The following ADGRV1 variants were observed in gnomAD, a reference collection of about 807,000 sequenced individuals.
ADGRV1 encodes adhesion G protein-coupled receptor V1, also known as G-protein coupled receptor 98.
In ADGRV1, 359 loss-of-function variants were observed where a neutral mutation model predicts 596.2. The ratio of observed to expected loss-of-function variants is 0.60; its 90% CI spans 0.55 to 0.66. ADGRV1 has a LOEUF of 0.66. ADGRV1 is among the 30% of genes least tolerant of loss of function. ADGRV1 has a pLI of 0.00. For synonymous variants in ADGRV1, 2,681 were observed against 2,679.2 expected, an observed-to-expected ratio of 1.00 and a Z score of -0.02; for missense variants, 7,274 against 7,575.6, an observed-to-expected ratio of 0.96 and a Z score of 1.48.
In ADGRV1 at chr5:90,905,544, G is replaced by T. The variant is rs190192323; in HGVS notation, c.17856+41687G>T. 1.2e-3 allele frequency among the ~76,000 whole-genome samples: 182 copies of T among 151,940 alleles called. 1 individual carries two copies. Among genetic ancestry groups the T allele is most frequent in the African/African-American group, 4.1e-3 (170 of 41,460 alleles). ...TTCTTTTTCAAACTTGTAACTGTTG[G>T]CATAAACAAATGCTACTGATTTTTG... is the stretch of plus-strand genomic sequence containing the variant. On this transcript the variant is annotated intron_variant, in intron 83 of 89. Transcript: ENST00000405460.
chr5:91,097,923 GT>G (rs1234681381), intron 86 of ADGRV1, among the ~76,000 whole-genome samples: 1 of 152,054 alleles, frequency 6.6e-6, no homozygotes, highest in East Asian at 1.9e-4. Context: ...TGGGTATTTT[GT>G]TGTTAAGTTG....
chr5:90,755,368 G>C (rs957440947), intron 55 of ADGRV1, among the ~76,000 whole-genome samples, 183 bp downstream of exon 55: 1 of 151,918 alleles, frequency 6.6e-6, no homozygotes, highest in Non-Finnish European at 1.5e-5. Flanking sequence ...TTTATAACTG[G>C]CTGGCAAAAA....
chr5:91,079,364 A>C (rs1168402999), intron 86 of ADGRV1, among the ~76,000 whole-genome samples: 4 of 152,200 alleles, frequency 2.6e-5, no homozygotes, highest in African/African-American at 9.6e-5. Flanking sequence ...TGTTAAAAAC[A>C]CATACATATG....
chr5:90,570,018 T>C (rs1326454349), intron 1 of ADGRV1, among the ~76,000 whole-genome samples: 1 of 152,174 alleles, frequency 6.6e-6, no homozygotes, highest in Non-Finnish European at 1.5e-5. Context: ...TATTTATCTG[T>C]CATGTGACCT....
intron 52 of ADGRV1, among the ~76,000 whole-genome samples, chr5:90,746,465 T>C (rs1009928980): frequency 6.6e-6 from 1 of 152,196 alleles, no homozygotes; most frequent in Admixed American, 6.5e-5. Context: ...AGCTATCATG[T>C]ATCTTTCTCT....
intron 24 of ADGRV1, 116 bp from the exon 25 acceptor site, chr5:90,675,964 A>G (rs1773203984): frequency 5.7e-6 from 4 of 703,692 alleles, no homozygotes; most frequent in South Asian, 2.6e-5. Flanking sequence ...CTTAGCATTT[A>G]TAATAATTTG....
intron 48 of ADGRV1, among the ~76,000 whole-genome samples, chr5:90,726,810 T>C (rs1389752744): frequency 6.6e-6 from 1 of 152,198 alleles, no homozygotes; most frequent in African/African-American, 2.4e-5. Flanking sequence ...TTGGATACTT[T>C]TATCAATCCT....
chr5:90,777,845 T>C, intron 61 of ADGRV1, 60 bp from the exon 62 acceptor site: 1 of 1,421,232 alleles, frequency 7.0e-7, no homozygotes, highest in Non-Finnish European at 9.5e-7. Context: ...ACAGAGAAAA[T>C]GTTTAAGAAA....
At chr5:90,652,220 C>T (rs1435984798) in intron 18 of ADGRV1, 126 bp from the exon 19 acceptor site, 11 of 563,034 alleles carry the variant, frequency 2.0e-5, no homozygotes, top group Admixed American at 1.0e-4. Context: ...TAGTTTGCCT[C>T]GTAGAACCAG....
chr5:90,810,321 C>T lies in ADGRV1; in HGVS notation c.15061C>T (p.Gln5021Ter). ...AAATATCATAGTGTCAGAAGATACA[C>T]AGATGATCAGATTACATGTACAAAG... is the stretch of plus-strand genomic sequence containing the variant. ...SRNIIVSEDT[Q>*]MIRLHVQRLF... The change falls in exon 74 of 90, where the codon CAG becomes TAG. Residue 5021 changes from glutamine (Q) to a stop codon, truncating the protein, a stop_gained. Transcript: ENST00000405460. LOFTEE classifies it high-confidence loss of function. 6.2e-7 allele frequency: 1 copy of T among 1,611,320 alleles called. No individual in the cohort carries two copies. Among genetic ancestry groups the T allele is most frequent in the East Asian group, 2.2e-5 (1 of 44,842 alleles).
At chr5:90,681,278 A>ATT in intron 26 of ADGRV1, 37 bp from the exon 27 acceptor site, 9 of 1,452,794 alleles carry the variant, frequency 6.2e-6, no homozygotes, top group Admixed American at 1.9e-5. Flanking sequence ...ACTGATCATC[A>ATT]TTTTTTTTTT....
intron 86 of ADGRV1, among the ~76,000 whole-genome samples, chr5:91,078,019 A>G (rs1329509492): frequency 6.6e-6 from 1 of 152,106 alleles, no homozygotes; most frequent in Non-Finnish European, 1.5e-5. Context: ...AGGTTTCAAT[A>G]TGATATATGA....
At chr5:90,909,792 A>G (rs1000997441) in intron 83 of ADGRV1, among the ~76,000 whole-genome samples, 3 of 152,224 alleles carry the variant, frequency 2.0e-5, no homozygotes, top group Admixed American at 2.0e-4. Context: ...AGAAATTATT[A>G]TATTATAATG....
chr5:90,763,977 A>G (rs1424944714), intron 59 of ADGRV1, among the ~76,000 whole-genome samples: 1 of 152,148 alleles, frequency 6.6e-6, no homozygotes, highest in African/African-American at 2.4e-5. Flanking sequence ...GAATAGGTTG[A>G]CTGATGTCTG....
At position 90,985,487 on chromosome 5, in the gene ADGRV1, C is replaced by A; in HGVS notation, c.18117C>A (p.Ser6039Arg). 1.9e-6 allele frequency: 3 copies of A among 1,613,786 alleles called. No individual in the cohort carries two copies. Among genetic ancestry groups the A allele is most frequent in the Non-Finnish European group, 2.5e-6 (3 of 1,179,722 alleles). Residue 6039 changes from serine (S) to arginine (R), a missense_variant, in exon 85 of 90, where the codon AGC becomes AGA. Physicochemically the swap from Ser to Arg is moderately radical, Grantham distance 110 (BLOSUM62 -1). Coordinates refer to ENST00000405460, the MANE Select transcript of ADGRV1 (RefSeq NM_032119.4). ...TTTTGAAAGGAATCTATCATCAGAG[C>A]ATGTCACAGATCTATGGACTCATTC... The part of the protein sequence containing the change: ...IVILKGIYHQ[S>R]MSQIYGLIHG...
chr5:90,608,804 T>A (rs1762403092), intron 1 of ADGRV1, among the ~76,000 whole-genome samples: 1 of 151,956 alleles, frequency 6.6e-6, no homozygotes, highest in South Asian at 2.1e-4. Flanking sequence ...GAAACAAGGA[T>A]CCCAGGATGA....
intron 21 of ADGRV1, among the ~76,000 whole-genome samples, chr5:90,664,378 G>C (rs1297857372): frequency 6.6e-6 from 1 of 151,816 alleles, no homozygotes; most frequent in African/African-American, 2.4e-5. Context: ...TGAAGCAATT[G>C]TGAATGGGAG....
chr5:90,708,173 A>C (rs954141433), intron 38 of ADGRV1, among the ~76,000 whole-genome samples: 2 of 152,032 alleles, frequency 1.3e-5, no homozygotes, highest in Non-Finnish European at 2.9e-5. Context: ...CTTGACATGG[A>C]TTTTGCTAAT....
chr5:90,694,428 C>T lies in ADGRV1; in HGVS notation c.7672C>T (p.Pro2558Ser). 1 of 1,613,954 alleles carries T rather than the reference C, an allele frequency of 6.2e-7. No homozygotes were observed. ...MNISASLKNQ[P>S]TIGQPNISTV... ...CATTTCAGCCAGTTTGAAAAATCAG[C>T]CAACCATAGGACAGCCAAATATTTC... Residue 2558 changes from proline to serine, a missense_variant, in exon 33 of 90, where the codon CCA becomes TCA. This residue lies in a region of ADGRV1 where 3,643 missense variants were observed against 3,809.2 expected (regional missense o/e 0.96). Transcript: ENST00000405460.
Sources: allele counts gnomAD v4.1 joint callset (sites outside exome capture counted in the v4.1 genomes callset), GRCh38; gene constraint gnomAD v4.1.1; regional missense constraint gnomAD v4.1.1; transcripts MANE v1.5; gene names NCBI Gene and HGNC (gene_info 2026-07-23, HGNC 2026-07-21).